Variants in EWSR1 observed in about 807,000 individuals in gnomAD.
EWSR1 encodes the protein EWS RNA binding protein 1.
Under a neutral mutation model 92.1 loss-of-function variants are expected in EWSR1, and 14 were observed. The observed-to-expected ratio is 0.15, with a 90% confidence interval of 0.10 to 0.24. The LOEUF (loss-of-function observed/expected upper bound fraction) is 0.24, where lower values mean the gene tolerates loss of function less well. EWSR1 is among the 10% of genes least tolerant of loss of function. The pLI is 1.00. For synonymous variants in EWSR1, 303 were observed against 292.9 expected, an observed-to-expected ratio of 1.03 and a Z score of -0.35; for missense variants, 637 against 870.9, an observed-to-expected ratio of 0.73 and a Z score of 3.38.
At chr22:29,282,619 AC>A in intron 6 of EWSR1, 62 bp downstream of exon 6, 1 of 1,417,870 alleles carries the variant, frequency 7.1e-7, no homozygotes, top group South Asian at 1.6e-5. Flanking sequence ...CAGGTTGTTG[AC>A]CAGCTTGCTT....
At chr22:29,268,462 G>C in intron 1 of EWSR1, 113 bp downstream of exon 1, 1 of 1,576,534 alleles carries the variant, frequency 6.3e-7, no homozygotes, top group Non-Finnish European at 8.7e-7. Flanking sequence ...AGAGGGGGTT[G>C]AGGCACCCGC....
intron 7 of EWSR1, among the ~76,000 whole-genome samples, chr22:29,288,336 C>G (rs906430333): frequency 6.6e-6 from 1 of 152,136 alleles, no homozygotes; most frequent in Non-Finnish European, 1.5e-5. Flanking sequence ...ACCCTATAAA[C>G]TATATGTTAG....
intron 5 of EWSR1, among the ~76,000 whole-genome samples, chr22:29,280,288 G>A (rs1200130944): frequency 1.3e-5 from 2 of 152,256 alleles, no homozygotes; most frequent in East Asian, 1.9e-4. Flanking sequence ...GGCTGGTCTC[G>A]AACTCGTGAC....
chr22:29,285,125 T>TG (rs2059926456), intron 6 of EWSR1, among the ~76,000 whole-genome samples: 1 of 141,410 alleles, frequency 7.1e-6, no homozygotes, highest in Non-Finnish European at 1.5e-5. Context: ...GGCCCTTGTT[T>TG]TTTTTTTTTT....
At chr22:29,286,635 G>A (rs1034490535) in intron 6 of EWSR1, among the ~76,000 whole-genome samples, 9 of 141,264 alleles carry the variant, frequency 6.4e-5, no homozygotes, top group Admixed American at 4.5e-4. Context: ...TGCAGTGACC[G>A]GAGATCACGC....
chr22:29,290,579 CCTT>C, intron 8 of EWSR1: 2 of 1,525,392 alleles, frequency 1.3e-6, no homozygotes, highest in East Asian at 2.5e-5. Flanking sequence ...TAAATGGAAT[CCTT>C]CTGTAACTTT....
chr22:29,299,180 G>A, intron 14 of EWSR1, 54 bp from the exon 15 acceptor site: 2 of 1,613,734 alleles, frequency 1.2e-6, no homozygotes, highest in Non-Finnish European at 8.5e-7. Context: ...ACCTTTCCTT[G>A]TTTATCTTCC....
chr22:29,273,632 C>T, intron 3 of EWSR1, 109 bp from the exon 4 acceptor site: 3 of 1,272,422 alleles, frequency 2.4e-6, no homozygotes, highest in South Asian at 2.9e-5. Flanking sequence ...TTTTTTTAAT[C>T]TTCTAGAAAG....
At position 29,296,388 on chromosome 22, in the gene EWSR1, A is replaced by G. The variant is rs2060861808; in HGVS notation, c.1294+20A>G. On this transcript the variant is annotated intron_variant, in intron 12 of 16. Coordinates refer to ENST00000397938, the MANE Select transcript of EWSR1 (RefSeq NM_005243.4). ...TTGATGGTGAGATGTACTCACTGGC[A>G]TTCTTAATCTCCCTGGCTATAGAAT... is the stretch of plus-strand genomic sequence containing the variant. The G allele has an allele frequency of 6.2e-7, 1 of 1,612,886 alleles. No individual in the cohort carries two copies. The highest frequency in any genetic ancestry group is 1.3e-5 in the African/African-American group (1 of 74,920).
intron 10 of EWSR1, 114 bp downstream of exon 10, chr22:29,292,283 C>T: frequency 8.3e-7 from 1 of 1,211,776 alleles, no homozygotes; most frequent in Non-Finnish European, 1.2e-6. Flanking sequence ...TTCTTGCTGT[C>T]AAGGACAGTT....
At chr22:29,273,927 T>C (rs2058895653) in intron 4 of EWSR1, 63 bp downstream of exon 4, 1 of 1,595,634 alleles carries the variant, frequency 6.3e-7, no homozygotes, top group South Asian at 1.1e-5. Context: ...AAGAAGCTTA[T>C]TAGTCATGCT....
Position 29,290,497 on chromosome 22 carries a change from G to T in EWSR1, c.975-1065G>T, listed in dbSNP as rs748951787. ...TCAGCCGGCAGCATAATGAAAAGTG[G>T]GACTAGACACGGTGTCCATATGGAG... is the stretch of plus-strand genomic sequence containing the variant. On this transcript the variant is annotated intron_variant, in intron 8 of 16. Transcript: ENST00000397938. The T allele has an allele frequency of 4.3e-6, 7 of 1,612,822 alleles. No individual in the cohort carries two copies. In the South Asian group the frequency reaches 7.7e-5, roughly 18 times the overall value.
chr22:29,280,884 T>G (rs1353201162), intron 5 of EWSR1, among the ~76,000 whole-genome samples: 5 of 120,546 alleles, frequency 4.1e-5, no homozygotes, highest in African/African-American at 8.8e-5. Context: ...TTTTTTTTTT[T>G]TTTTTTTTTT....
Position 29,278,223 on chromosome 22 carries a change from C to T in EWSR1, c.413+7C>T. On this transcript the variant is annotated splice_region_variant and intron_variant, in intron 5 of 16. Coordinates refer to ENST00000397938, the MANE Select transcript of EWSR1 (RefSeq NM_005243.4). Reference sequence around the variant, plus strand: ...CAGCCACTGCACCTACAAGGTAAGGCCATGGTGTCCTTAATGCGTCAGTCT... The same window carrying T: ...CAGCCACTGCACCTACAAGGTAAGGTCATGGTGTCCTTAATGCGTCAGTCT... 1 of 1,612,470 alleles carries T rather than the reference C, an allele frequency of 6.2e-7. No individual in the cohort carries two copies. The highest frequency in any genetic ancestry group is 2.2e-5 in the East Asian group (1 of 44,842).
chr22:29,288,434 G>A (rs780520065), intron 7 of EWSR1, among the ~76,000 whole-genome samples, 172 bp from the exon 8 acceptor site: 1 of 152,192 alleles, frequency 6.6e-6, no homozygotes, highest in Admixed American at 6.5e-5. Flanking sequence ...TGATCCAGCA[G>A]TTTTGTTGAA....
rs1266586937 is a variant in EWSR1, at chr22:29,288,806, C to T, written c.974+20C>T. ...AATGGGGTAAGAGCAAACCTTTTCT[C>T]CTTTTACCTAATTTTGTTTCATCCA... On this transcript the variant is annotated intron_variant, in intron 8 of 16. Coordinates refer to ENST00000397938, the MANE Select transcript of EWSR1 (RefSeq NM_005243.4). 6.4e-7 allele frequency: 1 copy of T among 1,554,680 alleles called. No individual in the cohort carries two copies. The highest frequency in any genetic ancestry group is 2.0e-5 in the Admixed American group (1 of 50,732).
intron 7 of EWSR1, among the ~76,000 whole-genome samples, chr22:29,287,993 A>G (rs2060176120): frequency 6.6e-6 from 1 of 152,206 alleles, no homozygotes; most frequent in South Asian, 2.1e-4. Flanking sequence ...CCTGGGCAAC[A>G]TAGTGAGACC....
At chr22:29,282,654 T>C (rs2059696994) in intron 6 of EWSR1, 97 bp downstream of exon 6, 1 of 1,026,410 alleles carries the variant, frequency 9.7e-7, no homozygotes, top group Non-Finnish European at 1.4e-6. Flanking sequence ...TAAGGTATGT[T>C]ATCTGACTGT....
chr22:29,300,015 T>G, intron 16 of EWSR1, 107 bp from the exon 17 acceptor site: 2 of 596,068 alleles, frequency 3.4e-6, no homozygotes, highest in Non-Finnish European at 2.2e-6. Context: ...TCCTCACCCC[T>G]TCCCATTCTA....
Sources: gnomAD v4.1 joint callset for allele counts (sites outside exome capture counted in the v4.1 genomes callset) on GRCh38, gnomAD v4.1.1 for gene constraint, MANE v1.5 for transcripts, NCBI Gene and HGNC (gene_info 2026-07-23, HGNC 2026-07-21) for gene names.